Variants in RASSF4 observed in about 807,000 individuals in gnomAD.
RASSF4 encodes Ras association domain family member 4.
In RASSF4, 38 loss-of-function variants were observed where a neutral mutation model predicts 41.1. The observed-to-expected ratio is 0.92, with a 90% CI of 0.71 to 1.21. The LOEUF (loss-of-function observed/expected upper bound fraction) is 1.21, where lower values mean the gene tolerates loss of function less well. Among genes scored for constraint, RASSF4 ranks in the 50% most tolerant of loss-of-function variants. The probability of loss-of-function intolerance (pLI) is 0.00; values close to 1 mark genes in which losing one functional copy is unlikely to be tolerated. For synonymous variants in RASSF4, 179 were observed against 163.4 expected, an observed-to-expected ratio of 1.10 and a Z score of -0.73; for missense variants, 414 against 419.4, an observed-to-expected ratio of 0.99 and a Z score of 0.11.
intron 10 of RASSF4, 118 bp downstream of exon 10, chr10:44,992,120 G>C (rs560377579): frequency 3.1e-6 from 2 of 651,482 alleles, no homozygotes; most frequent in Non-Finnish European, 5.4e-6. Flanking sequence ...ACCCTGGTAC[G>C]GGAAGGCCTG....
chr10:44,985,011 G>A (rs1841868774), intron 6 of RASSF4, 41 bp downstream of exon 6: 5 of 1,588,742 alleles, frequency 3.1e-6, no homozygotes, highest in Non-Finnish European at 3.4e-6. Flanking sequence ...CGCATGGGGA[G>A]CCAGGCCTGA....
At chr10:44,982,372 G>T (rs565850420) in intron 3 of RASSF4, 149 bp from the exon 4 acceptor site, 13 of 943,700 alleles carry the variant, frequency 1.4e-5, no homozygotes, top group African/African-American at 6.5e-5. Context: ...CCCAGGGCAC[G>T]TAGTGGCTGA....
chr10:44,992,050 G>A, intron 10 of RASSF4, 48 bp downstream of exon 10: 2 of 1,262,076 alleles, frequency 1.6e-6, no homozygotes, highest in Non-Finnish European at 2.3e-6. Context: ...CATCAGGGCA[G>A]GTCTGCAAAG....
At chr10:44,988,609 G>A (rs1343128496) in intron 6 of RASSF4, among the ~76,000 whole-genome samples, 2 of 152,220 alleles carry the variant, frequency 1.3e-5, no homozygotes, top group African/African-American at 2.4e-5. Context: ...TTAGACCCGC[G>A]CTTTCAAACA....
chr10:44,961,477 C>T (rs1840708631), intron 1 of RASSF4, among the ~76,000 whole-genome samples: 1 of 152,236 alleles, frequency 6.6e-6, no homozygotes, highest in Non-Finnish European at 1.5e-5. Context: ...CTGCCCTGGG[C>T]CCCTGGGGTC....
chr10:44,969,438 G>A (rs1338246367), intron 1 of RASSF4, among the ~76,000 whole-genome samples: 1 of 152,096 alleles, frequency 6.6e-6, no homozygotes, highest in East Asian at 1.9e-4. Context: ...TTGCACAGAC[G>A]AGGAAAGGAA....
At chr10:44,975,516 A>C (rs1025356330) in intron 3 of RASSF4, among the ~76,000 whole-genome samples, 69 of 40,744 alleles carry the variant, frequency 1.7e-3, no homozygotes, top group Admixed American at 3.1e-3. Context: ...TCCCCTCTCC[A>C]CCCCCAGCCC....
At position 44,989,301 on chromosome 10, in the gene RASSF4, T is replaced by G; in HGVS notation, c.559T>G (p.Ser187Ala). 6.2e-7 allele frequency: 1 copy of G among 1,613,900 alleles called. No homozygotes were observed. ...CTCCGTGTTTACTCCAGCCTATGGATCCGTGACCAATGTGAGGGTCAACAG... is the reference window on the plus strand; with the variant it reads ...CTCCGTGTTTACTCCAGCCTATGGAGCCGTGACCAATGTGAGGGTCAACAG... ...KTSVFTPAYG[S>A]VTNVRVNSTM... Residue 187 changes from serine to alanine, a missense_variant, in exon 7 of 11, where the codon TCC becomes GCC. By Grantham distance (99) the Ser-to-Ala change is moderately conservative (BLOSUM62 1). Coordinates refer to ENST00000340258, the MANE Select transcript of RASSF4 (RefSeq NM_032023.4).
At chr10:44,978,766 T>TGAGTCTCACAGTCCACC (rs1167274895) in intron 3 of RASSF4, 3 of 152,232 alleles carry the variant, frequency 2.0e-5, no homozygotes, top group African/African-American at 7.2e-5. Context: ...GACAGTGCAC[T>TGAGTCTCACAGTCCACC]GAGTCTCACA....
intron 1 of RASSF4, among the ~76,000 whole-genome samples, chr10:44,966,612 C>T (rs1048506484): frequency 2.0e-5 from 3 of 152,148 alleles, no homozygotes; most frequent in African/African-American, 7.2e-5. Context: ...AAAGGTGGAA[C>T]TTTCTTGAAA....
At chr10:44,964,011 A>G (rs1458658481) in intron 1 of RASSF4, among the ~76,000 whole-genome samples, 1 of 152,064 alleles carries the variant, frequency 6.6e-6, no homozygotes, top group South Asian at 2.1e-4. Flanking sequence ...GCCTGTAGGA[A>G]TTGGGCCCCG....
chr10:44,982,148 G>C (rs1255921311), intron 3 of RASSF4: 1 of 292,616 alleles, frequency 3.4e-6, no homozygotes, highest in South Asian at 3.1e-5. Context: ...CCCCTCCCAG[G>C]TGCAGTGTGG....
intron 3 of RASSF4, among the ~76,000 whole-genome samples, chr10:44,975,444 C>A (rs1357366369): frequency 8.0e-6 from 1 of 125,264 alleles, no homozygotes; most frequent in Admixed American, 7.7e-5. Flanking sequence ...TCCACCCCCA[C>A]CCCCACTCCC....
At chr10:44,974,212 A>T (rs1315085253) in intron 3 of RASSF4, among the ~76,000 whole-genome samples, 1 of 152,234 alleles carries the variant, frequency 6.6e-6, no homozygotes, top group East Asian at 1.9e-4. Context: ...ATCCCAGGCC[A>T]GTCTCTCCTC....
At chr10:44,973,428 G>A (rs906244314) in intron 3 of RASSF4, among the ~76,000 whole-genome samples, 1 of 152,178 alleles carries the variant, frequency 6.6e-6, no homozygotes, top group Non-Finnish European at 1.5e-5. Context: ...CATATCTTCT[G>A]GTGGAGGCCT....
At chr10:44,974,006 GGGTA>G (rs1335858459) in intron 3 of RASSF4, among the ~76,000 whole-genome samples, 1 of 60,844 alleles carries the variant, frequency 1.6e-5, no homozygotes. Flanking sequence ...TAACAGCCCA[GGGTA>G]CCGGTACCGG....
chr10:44,977,305 C>A lies in RASSF4; in HGVS notation c.139-5216C>A, dbSNP rs1293271468. On this transcript the variant is annotated intron_variant, in intron 3 of 10. Coordinates refer to ENST00000340258, the MANE Select transcript of RASSF4 (RefSeq NM_032023.4). The stretch of plus-strand genomic sequence containing the variant: ...CAGAAAAGCATTTCCCTTTCAGAGA[C>A]CTGCCAGGGGCAGTGACCACCATGG... The A allele has an allele frequency of 2.0e-6, 3 of 1,478,472 alleles. No individual in the cohort carries two copies. In the East Asian group the frequency reaches 6.9e-5, roughly 34 times the overall value. 91.6% of individuals were successfully genotyped at this position (1,478,472 alleles called of 1,614,324 possible). A position where few individuals can be genotyped will look rare whatever the true frequency, so the allele number is the denominator to read the frequency against.
At chr10:44,988,878 A>C (rs1185964196) in intron 6 of RASSF4, among the ~76,000 whole-genome samples, 1 of 152,208 alleles carries the variant, frequency 6.6e-6, no homozygotes, top group Non-Finnish European at 1.5e-5. Context: ...TCTACTAGGC[A>C]CTGCTGGGAG....
chr10:44,968,624 G>T (rs1026130749), intron 1 of RASSF4, among the ~76,000 whole-genome samples: 1 of 152,172 alleles, frequency 6.6e-6, no homozygotes, highest in African/African-American at 2.4e-5. Flanking sequence ...TGTCAAGCAA[G>T]GGGGGAGAGA....
Sources: gnomAD v4.1 joint callset for allele counts (sites outside exome capture counted in the v4.1 genomes callset) on GRCh38, gnomAD v4.1.1 for gene constraint, MANE v1.5 for transcripts, NCBI Gene and HGNC (gene_info 2026-07-23, HGNC 2026-07-21) for gene names.